Variants in CBFA2T2 observed in about 807,000 individuals in gnomAD.
CBFA2T2 encodes CBFA2/RUNX1 partner transcriptional co-repressor 2.
In CBFA2T2, 11 loss-of-function variants were observed where a neutral mutation model predicts 62.2. The ratio of observed to expected loss-of-function variants is 0.18; its 90% CI spans 0.11 to 0.29. The LOEUF (loss-of-function observed/expected upper bound fraction) is 0.29, where lower values mean the gene tolerates loss of function less well. Ranked by LOEUF, CBFA2T2 falls within the 10% of genes least tolerant of loss-of-function variation. The probability of loss-of-function intolerance (pLI) is 1.00; values close to 1 mark genes in which losing one functional copy is unlikely to be tolerated. For missense variants in CBFA2T2, 592 were observed against 774.1 expected, an observed-to-expected ratio of 0.76 and a Z score of 2.79; for synonymous variants, 295 against 287.5, an observed-to-expected ratio of 1.03 and a Z score of -0.27.
In CBFA2T2 at chr20:33,619,402, A is replaced by T. The variant is rs1039113583; in HGVS notation, c.421-115A>T. On this transcript the variant is annotated intron_variant, in intron 3 of 10. Transcript: ENST00000342704. The stretch of plus-strand genomic sequence containing the variant: ...GGCCTGGGCAACAGAGCAAGACTCC[A>T]TCTCAAATAAATAAATAAATAAATA... The T allele has an allele frequency of 1.4e-5, 8 of 559,956 alleles. No individual in the cohort carries two copies. In the African/African-American group the frequency reaches 1.6e-4, roughly 11 times the overall value. The allele number at this position is 559,956 out of a possible 1,614,324, so 34.7% of individuals were successfully genotyped here. A position where few individuals can be genotyped will look rare whatever the true frequency, so the allele number is the denominator to read the frequency against.
chr20:33,640,271 C>A (rs1418207736), intron 9 of CBFA2T2, 70 bp from the exon 10 acceptor site: 2 of 1,404,706 alleles, frequency 1.4e-6, no homozygotes, highest in Non-Finnish European at 2.0e-6. Flanking sequence ...TCTCTCCTTA[C>A]TTAGAATTGC....
At chr20:33,521,884 TTTTG>T (rs1168419100) in intron 1 of CBFA2T2, among the ~76,000 whole-genome samples, 8 of 152,152 alleles carry the variant, frequency 5.3e-5, no homozygotes, top group Non-Finnish European at 8.8e-5. Context: ...TTTAAGGGTT[TTTTG>T]TTTGTTTGTT....
At chr20:33,622,172 AT>A (rs1190078860) in intron 4 of CBFA2T2, among the ~76,000 whole-genome samples, 1 of 152,198 alleles carries the variant, frequency 6.6e-6, no homozygotes, top group Non-Finnish European at 1.5e-5. Context: ...TAACTCTGTT[AT>A]TTTGGAAAAC....
intron 1 of CBFA2T2, among the ~76,000 whole-genome samples, chr20:33,543,715 G>A (rs1473424413): frequency 6.6e-6 from 1 of 152,126 alleles, no homozygotes; most frequent in Admixed American, 6.5e-5. Context: ...CCAGTCTCCT[G>A]ACCACTGCTC....
chr20:33,578,821 A>G lies in CBFA2T2; in HGVS notation c.35-28135A>G, dbSNP rs962777940. Among the ~76,000 whole-genome samples the G allele has an allele frequency of 5.9e-5, 9 of 152,338 alleles. No individual in the cohort carries two copies. The East Asian group carries it at 1.5e-3, about 26-fold the overall frequency. On this transcript the variant is annotated intron_variant, in intron 1 of 10. Transcript: ENST00000342704. The stretch of plus-strand genomic sequence containing the variant: ...CCGATTATCAAGCTCAGCCTTCAGG[A>G]TGAAATACTGCAGGAAATCTGAAGG...
intron 1 of CBFA2T2, among the ~76,000 whole-genome samples, chr20:33,545,963 C>T (rs2012554164): frequency 6.6e-6 from 1 of 152,134 alleles, no homozygotes; most frequent in South Asian, 2.1e-4. Context: ...TGTCATGTGC[C>T]AGTTTAAATA....
chr20:33,630,911 A>G (rs1274220874), intron 8 of CBFA2T2, among the ~76,000 whole-genome samples: 1 of 152,244 alleles, frequency 6.6e-6, no homozygotes, highest in Non-Finnish European at 1.5e-5. Context: ...CCCCACCCAC[A>G]GCAGCAGCTC....
At position 33,579,105 on chromosome 20, in the gene CBFA2T2, G is replaced by GTTT. The variant is rs1299627561; in HGVS notation, c.35-27844_35-27842dup. On this transcript the variant is annotated intron_variant, in intron 1 of 10. Transcript: ENST00000342704. ...GAGTGCCTTTTTGGTTTTTTTGGGG[G>GTTT]TTTTTTTTTGTTTTTTTTTTTTTTT... Among the ~76,000 whole-genome samples, 19 of 140,172 alleles carry GTTT rather than the reference G, an allele frequency of 1.4e-4. No homozygotes were observed. The East Asian group carries it at 1.6e-3, about 12-fold the overall frequency. 92.0% of individuals were successfully genotyped at this position (140,172 alleles called of 152,430 possible).
rs1215017528 is a variant in CBFA2T2, at chr20:33,647,663, C to CA, written c.*3021dup. On this transcript the variant is annotated 3_prime_UTR_variant, in exon 11 of 11. Coordinates refer to ENST00000342704, the MANE Select transcript of CBFA2T2 (RefSeq NM_001032999.3). ...GCTTTTACTGGTTGGAATAAGGAGC[C>CA]AAAACCAACAAAATAATATTTATTA... The CA allele has an allele frequency of 6.6e-6, 1 of 152,146 alleles. No homozygotes were observed. Among genetic ancestry groups the CA allele is most frequent in the African/African-American group, 2.4e-5 (1 of 41,414 alleles). The allele number at this position is 152,146 out of a possible 1,614,324, so 9.4% of individuals were successfully genotyped here.
intron 1 of CBFA2T2, among the ~76,000 whole-genome samples, chr20:33,507,855 T>G (rs2011430855): frequency 6.6e-6 from 1 of 152,114 alleles, no homozygotes; most frequent in East Asian, 1.9e-4. Flanking sequence ...TTTGCCTGTT[T>G]GTGTAATTTT....
intron 1 of CBFA2T2, among the ~76,000 whole-genome samples, chr20:33,569,523 T>G (rs942112830): frequency 8.5e-5 from 13 of 152,218 alleles, no homozygotes; most frequent in African/African-American, 3.1e-4. Flanking sequence ...CTTCAAACTC[T>G]AGATAGAATT....
At chr20:33,632,753 G>A (rs2016499143) in intron 8 of CBFA2T2, among the ~76,000 whole-genome samples, 1 of 151,074 alleles carries the variant, frequency 6.6e-6, no homozygotes, top group Non-Finnish European at 1.5e-5. Flanking sequence ...GGCCTCACCA[G>A]TGACTTTTAA....
At position 33,630,857 on chromosome 20, in the gene CBFA2T2, A is replaced by G. The variant is rs182475212; in HGVS notation, c.1228+943A>G. On this transcript the variant is annotated intron_variant, in intron 8 of 10. Coordinates refer to ENST00000342704, the MANE Select transcript of CBFA2T2 (RefSeq NM_001032999.3). The stretch of plus-strand genomic sequence containing the variant: ...AACTTGAGGCAAAGCCAGAATTAAT[A>G]CAGTATGTACAGACAGTGGGAGTTA... Among the ~76,000 whole-genome samples the G allele has an allele frequency of 9.5e-4, 145 of 152,336 alleles. 2 individuals carry two copies. The highest frequency in any genetic ancestry group is 3.7e-4 in the Non-Finnish European group (25 of 68,030).
chr20:33,633,298 G>C (rs1310667179), intron 8 of CBFA2T2, among the ~76,000 whole-genome samples: 2 of 150,134 alleles, frequency 1.3e-5, no homozygotes, highest in Non-Finnish European at 3.0e-5. Context: ...CTCAAACCTG[G>C]GAGGCGGAGG....
intron 1 of CBFA2T2, among the ~76,000 whole-genome samples, chr20:33,596,588 A>G (rs1227368108): frequency 6.6e-6 from 1 of 151,740 alleles, no homozygotes; most frequent in African/African-American, 2.4e-5. Flanking sequence ...CTTGTCTTTC[A>G]TGATCTCTAA....
chr20:33,623,445 C>A, intron 5 of CBFA2T2, 149 bp downstream of exon 5: 1 of 863,846 alleles, frequency 1.2e-6, no homozygotes, highest in Non-Finnish European at 1.8e-6. Flanking sequence ...CAGACTGGAG[C>A]GCAGTGGTGC....
intron 1 of CBFA2T2, among the ~76,000 whole-genome samples, chr20:33,495,708 T>C (rs989231461): frequency 1.3e-5 from 2 of 152,102 alleles, no homozygotes; most frequent in Non-Finnish European, 2.9e-5. Context: ...GAAAAAAATG[T>C]AATGGTTAAG....
At chr20:33,527,012 G>A (rs2011907104) in intron 1 of CBFA2T2, among the ~76,000 whole-genome samples, 1 of 152,158 alleles carries the variant, frequency 6.6e-6, no homozygotes, top group Non-Finnish European at 1.5e-5. Context: ...TAAGTTTATA[G>A]GATGAATTGG....
chr20:33,628,214 T>TC, intron 6 of CBFA2T2, 136 bp from the exon 7 acceptor site: 2 of 641,626 alleles, frequency 3.1e-6, no homozygotes, highest in Non-Finnish European at 5.6e-6. Context: ...ATTTTGTGGG[T>TC]CCCCCACCCC....
Sources: allele counts gnomAD v4.1 joint callset (sites outside exome capture counted in the v4.1 genomes callset), GRCh38; gene constraint gnomAD v4.1.1; transcripts MANE v1.5; gene names NCBI Gene and HGNC (gene_info 2026-07-23, HGNC 2026-07-21).